The following CSMD1 variants were observed in gnomAD, a reference collection of about 807,000 sequenced individuals.
CSMD1 encodes the protein CUB and Sushi multiple domains 1, also known as CUB and sushi domain-containing protein 1.
Under a neutral mutation model 417.5 loss-of-function variants are expected in CSMD1, and 213 were observed. The ratio of observed to expected loss-of-function variants is 0.51; its 90% confidence interval spans 0.46 to 0.57. The LOEUF (loss-of-function observed/expected upper bound fraction) is 0.57. CSMD1 is among the 20% of genes least tolerant of loss of function. CSMD1 has a pLI of 0.00. For missense variants in CSMD1, 6,923 were observed against 4,529.7 expected, an observed-to-expected ratio of 1.53 and a Z score of -15.17; for synonymous variants, 2,862 against 1,736.8, an observed-to-expected ratio of 1.65 and a Z score of -16.11.
intron 5 of CSMD1, among the ~76,000 whole-genome samples, chr8:3,984,018 T>G (rs184662625): frequency 7.4e-5 from 11 of 148,246 alleles, no homozygotes; most frequent in Admixed American, 7.3e-4. Context: ...GGGCTGTCAA[T>G]TGCAGCTCTA....
chr8:3,286,004 G>T (rs1010075027), intron 25 of CSMD1, among the ~76,000 whole-genome samples: 2 of 152,062 alleles, frequency 1.3e-5, no homozygotes, highest in Non-Finnish European at 2.9e-5. Flanking sequence ...AGGCCCCAGT[G>T]TGTGATGTTC....
Position 3,347,504 on chromosome 8 carries a change from C to G in CSMD1, c.3474+488G>C, listed in dbSNP as rs969103260. 3.0e-4 allele frequency among the ~76,000 whole-genome samples: 45 copies of G among 152,348 alleles called. 1 individual carries two copies. Among genetic ancestry groups the G allele is most frequent in the Admixed American group, 1.3e-3 (20 of 15,296 alleles). On this transcript the variant is annotated intron_variant, in intron 22 of 69. Transcript: ENST00000635120. ...CTGTGGCTGGATTTACCTCCATTAT[C>G]ACTTCAGAACCTTTCCAGCTTTCCA...
At chr8:4,941,816 C>G (rs1260948293) in intron 1 of CSMD1, among the ~76,000 whole-genome samples, 4 of 152,094 alleles carry the variant, frequency 2.6e-5, no homozygotes, top group Non-Finnish European at 5.9e-5. Context: ...CCAGGATGGT[C>G]TTGAACTCCT....
At chr8:3,776,258 C>A (rs984026114) in intron 5 of CSMD1, among the ~76,000 whole-genome samples, 6 of 152,166 alleles carry the variant, frequency 3.9e-5, no homozygotes, top group Non-Finnish European at 5.9e-5. Flanking sequence ...TGCTTCTATC[C>A]TCCCTGCTCC....
At chr8:3,075,126 C>T (rs1043437599) in intron 49 of CSMD1, among the ~76,000 whole-genome samples, 1 of 152,146 alleles carries the variant, frequency 6.6e-6, no homozygotes, top group African/African-American at 2.4e-5. Flanking sequence ...TCCCCCTTCA[C>T]CTTCTGCCAT....
At chr8:3,448,397 GGGAA>G (rs1320964818) in intron 12 of CSMD1, among the ~76,000 whole-genome samples, 8 of 131,574 alleles carry the variant, frequency 6.1e-5, no homozygotes, top group South Asian at 2.6e-4. Flanking sequence ...GGAGGAGGAA[GGGAA>G]GGAAGGAAGG....
At chr8:4,034,868 A>T (rs1485654332) in intron 3 of CSMD1, among the ~76,000 whole-genome samples, 2 of 152,238 alleles carry the variant, frequency 1.3e-5, no homozygotes, top group African/African-American at 2.4e-5. Flanking sequence ...ACGGTTATCA[A>T]TGGAAATCTA....
rs75719994 is a variant in CSMD1, at chr8:4,410,612, A to G, written c.415+9341T>C. On this transcript the variant is annotated intron_variant, in intron 3 of 69. Transcript: ENST00000635120. ...TTTTGTTTTTCATTTATCTGAAATTATGTATTACCAAATGTAATGTATATG... is the reference window on the plus strand; with the variant it reads ...TTTTGTTTTTCATTTATCTGAAATTGTGTATTACCAAATGTAATGTATATG... Among the ~76,000 whole-genome samples, 879 of 152,302 alleles carry G rather than the reference A, an allele frequency of 5.8e-3. 34 individuals are homozygous for G. The East Asian group carries it at 0.089, about 15-fold the overall frequency.
intron 5 of CSMD1, among the ~76,000 whole-genome samples, chr8:3,882,813 G>C (rs891698926): frequency 1.3e-5 from 2 of 152,180 alleles, no homozygotes; most frequent in Admixed American, 6.6e-5. Flanking sequence ...TACAGAATGT[G>C]TCAAAATAGG....
intron 3 of CSMD1, among the ~76,000 whole-genome samples, chr8:4,234,722 C>T (rs1468217536): frequency 6.6e-6 from 1 of 152,134 alleles, no homozygotes; most frequent in East Asian, 1.9e-4. Context: ...CACGGTGTCG[C>T]TGCTGCCGCT....
At chr8:4,488,683 G>T (rs1309303599) in intron 2 of CSMD1, among the ~76,000 whole-genome samples, 2 of 147,088 alleles carry the variant, frequency 1.4e-5, no homozygotes, top group Admixed American at 7.1e-5. Flanking sequence ...AATCATGGCG[G>T]TGGGGGGGGT....
chr8:3,720,678 C>T (rs1254509081), intron 6 of CSMD1, among the ~76,000 whole-genome samples: 2 of 149,958 alleles, frequency 1.3e-5, no homozygotes, highest in African/African-American at 2.5e-5. Context: ...TCCTTCATGA[C>T]CCATGGGAAG....
At chr8:4,035,293 C>G (rs1039968261) in intron 3 of CSMD1, among the ~76,000 whole-genome samples, 1 of 152,140 alleles carries the variant, frequency 6.6e-6, no homozygotes, top group Non-Finnish European at 1.5e-5. Flanking sequence ...CAATTAGGTT[C>G]ACTGCATATG....
At chr8:4,201,368 C>T (rs57159384) in intron 3 of CSMD1, among the ~76,000 whole-genome samples, 1 of 151,868 alleles carries the variant, frequency 6.6e-6, no homozygotes, top group Admixed American at 6.6e-5. Context: ...GAAACCCCAT[C>T]TCTACTAAAA....
At chr8:4,147,559 C>T (rs1283297773) in intron 3 of CSMD1, among the ~76,000 whole-genome samples, 1 of 152,090 alleles carries the variant, frequency 6.6e-6, no homozygotes, top group Non-Finnish European at 1.5e-5. Context: ...ATGTATAAAC[C>T]TGTTTCTGGA....
chr8:4,396,616 TACACACACACAC>T (rs143703195), intron 3 of CSMD1, among the ~76,000 whole-genome samples: 7 of 148,678 alleles, frequency 4.7e-5, no homozygotes, highest in African/African-American at 9.9e-5. Context: ...GAAAATGTGA[TACACACACACAC>T]ACACACACAC....
chr8:4,160,087 A>T (rs191287311), intron 3 of CSMD1, among the ~76,000 whole-genome samples: 1,273 of 105,534 alleles, frequency 0.012, 21 homozygotes, highest in African/African-American at 0.05. Flanking sequence ...ATGGAATTTA[A>T]AAAAAAAAAG....
intron 5 of CSMD1, among the ~76,000 whole-genome samples, chr8:3,964,874 G>A (rs1465234012): frequency 6.6e-6 from 1 of 152,118 alleles, no homozygotes; most frequent in Non-Finnish European, 1.5e-5. Context: ...AAGTGTGATT[G>A]CATATTATGC....
chr8:3,612,085 T>G (rs144213388), intron 8 of CSMD1, among the ~76,000 whole-genome samples: 2 of 152,086 alleles, frequency 1.3e-5, no homozygotes, highest in Admixed American at 6.6e-5. Context: ...TGCAACAGAT[T>G]GAATATAGAA....
Sources: gnomAD v4.1 joint callset for allele counts (sites outside exome capture counted in the v4.1 genomes callset) on GRCh38, gnomAD v4.1.1 for gene constraint, MANE v1.5 for transcripts, NCBI Gene and HGNC (gene_info 2026-07-23, HGNC 2026-07-21) for gene names.